PRRC2B: variants seen among roughly 807,000 people sequenced by gnomAD.
The protein encoded by PRRC2B is protein PRRC2B.
Under a neutral mutation model 242.3 loss-of-function variants are expected in PRRC2B, and 68 were observed. The observed-to-expected ratio is 0.28, with a 90% confidence interval of 0.23 to 0.34. PRRC2B has a LOEUF of 0.34. Ranked by LOEUF, PRRC2B falls within the 10% of genes least tolerant of loss-of-function variation. The pLI is 1.00. For missense variants in PRRC2B, 2,835 were observed against 2,954.8 expected, an observed-to-expected ratio of 0.96 and a Z score of 0.94; for synonymous variants, 1,228 against 1,173.6, an observed-to-expected ratio of 1.05 and a Z score of -0.95.
intron 22 of PRRC2B, 51 bp from the exon 23 acceptor site, chr9:131,483,308 G>A: frequency 1.3e-6 from 2 of 1,529,170 alleles, no homozygotes; most frequent in Non-Finnish European, 1.8e-6. Flanking sequence ...TCTGGGGAAT[G>A]TAGGGCCAGG....
chr9:131,405,757 G>T (rs778737868), intron 1 of PRRC2B, among the ~76,000 whole-genome samples: 6 of 152,104 alleles, frequency 3.9e-5, no homozygotes, highest in Admixed American at 2.0e-4. Context: ...GAGAGAGCTC[G>T]CTGGGAGAGT....
chr9:131,429,437 G>A (rs1425822258), intron 1 of PRRC2B, among the ~76,000 whole-genome samples: 1 of 152,218 alleles, frequency 6.6e-6, no homozygotes, highest in East Asian at 1.9e-4. Context: ...CCCCCATGTG[G>A]TCTCTCCCTT....
rs918932283 is a variant in PRRC2B at position 131,436,492 on chromosome 9, C to A, written c.294-128C>A. Reference sequence around the variant, plus strand: ...AGCATAAGAATCTACTGGGGAAAGTCGTATTTTTATTGGCCAGAGGAGGTC... The same window carrying A: ...AGCATAAGAATCTACTGGGGAAAGTAGTATTTTTATTGGCCAGAGGAGGTC... On this transcript the variant is annotated intron_variant, in intron 3 of 31. Coordinates refer to ENST00000683519, the MANE Select transcript of PRRC2B (RefSeq NM_013318.4). The A allele has an allele frequency of 1.1e-5, 7 of 629,238 alleles. No individual in the cohort carries two copies. The East Asian group carries it at 1.9e-4, about 17-fold the overall frequency. The allele number at this position is 629,238 out of a possible 1,614,324, so 39.0% of individuals were successfully genotyped here. A position where few individuals can be genotyped will look rare whatever the true frequency, so the allele number is the denominator to read the frequency against.
In PRRC2B at chr9:131,420,493, C is replaced by CTTTCTTTCTTTTCTTTCT; in HGVS notation, c.-51-9598_-51-9597insCTTTCTTTTCTTTCTTTT. On this transcript the variant is annotated intron_variant, in intron 1 of 31. Coordinates refer to ENST00000683519, the MANE Select transcript of PRRC2B (RefSeq NM_013318.4). ...TCTTTCTTTCTTTCTTTCTTTCTTT[C>CTTTCTTTCTTTTCTTTCT]TTTTTTTTTTTTTTTTTGAGATGGA... Among the ~76,000 whole-genome samples the CTTTCTTTCTTTTCTTTCT allele has an allele frequency of 2.9e-3, 89 of 30,180 alleles. 11 individuals are homozygous for CTTTCTTTCTTTTCTTTCT. The highest frequency in any genetic ancestry group is 9.1e-3 in the African/African-American group (84 of 9,264). The allele number at this position is 30,180 out of a possible 152,430, so 19.8% of individuals were successfully genotyped here.
rs1277243391 is a variant in PRRC2B at position 131,484,961 on chromosome 9, G to A, written c.5579G>A (p.Arg1860His). Reference protein sequence around the residue: ...ADLTLKMESARKAWENSPSLP... With the variant: ...ADLTLKMESAHKAWENSPSLP... ...TTGCTTCTGAAGATGGAGTCTGCGCGCAAGGCTTGGGAAAACTCCCCCAGT... is the reference window on the plus strand; with the variant it reads ...TTGCTTCTGAAGATGGAGTCTGCGCACAAGGCTTGGGAAAACTCCCCCAGT... The change falls in exon 25 of 32, where the codon CGC becomes CAC. Residue 1860 changes from arginine to histidine, a missense_variant. Physicochemically the swap from Arg to His is conservative, Grantham distance 29. This residue lies in a region of PRRC2B where 574 missense variants were observed against 626.0 expected (regional missense o/e 0.92). Transcript: ENST00000683519. The A allele has an allele frequency of 1.2e-6, 2 of 1,612,226 alleles. No homozygotes were observed. The highest frequency in any genetic ancestry group is 1.7e-6 in the Non-Finnish European group (2 of 1,178,698).
At position 131,475,005 on chromosome 9, in the gene PRRC2B, T is replaced by C; in HGVS notation, c.2876T>C (p.Leu959Pro). 6.2e-7 allele frequency: 1 copy of C among 1,603,312 alleles called. No homozygotes were observed. Among genetic ancestry groups the C allele is most frequent in the Non-Finnish European group, 8.5e-7 (1 of 1,175,058 alleles). ...AAGGTGGAAGACAAGGAGAAGGAGC[T>C]TGAGAAGATTAAGCAGGAGCTAGGG... ...ALKVEDKEKE[L>P]EKIKQELGEE... Residue 959 changes from leucine to proline, a missense_variant, in exon 16 of 32, where the codon CTT becomes CCT. Physicochemically the swap from Leu to Pro is moderately conservative, Grantham distance 98. Transcript: ENST00000683519.
chr9:131,477,560 A>G (rs1277101760), intron 16 of PRRC2B, among the ~76,000 whole-genome samples, 184 bp from the exon 17 acceptor site: 1 of 152,176 alleles, frequency 6.6e-6, no homozygotes, highest in Admixed American at 6.5e-5. Flanking sequence ...GGGCAGCCTT[A>G]CACGTATGTT....
intron 16 of PRRC2B, 132 bp downstream of exon 16, chr9:131,476,667 T>C: frequency 1.3e-6 from 1 of 741,998 alleles, no homozygotes; most frequent in Non-Finnish European, 2.1e-6. Flanking sequence ...TGTGCGCGTC[T>C]CCATTGCCTG....
chr9:131,458,431 T>C (rs1943144801), intron 10 of PRRC2B, among the ~76,000 whole-genome samples: 1 of 152,078 alleles, frequency 6.6e-6, no homozygotes, highest in South Asian at 2.1e-4. Context: ...ACACATAAAA[T>C]ACACTAACAC....
rs371628631 is a variant in PRRC2B at position 131,473,558 on chromosome 9, C to T, written c.2158C>T (p.Arg720Cys). 66 of 1,610,086 alleles carry T rather than the reference C, an allele frequency of 4.1e-5. No individual in the cohort carries two copies. The highest frequency in any genetic ancestry group is 1.7e-4 in the Middle Eastern group (1 of 6,058). The change falls in exon 15 of 32, where the codon CGC becomes TGC. Residue 720 changes from arginine (R) to cysteine (C), a missense_variant. Physicochemically the swap from Arg to Cys is radical, Grantham distance 180 (BLOSUM62 -3). This residue lies in a region of PRRC2B where 1,536 missense variants were observed against 1,483.1 expected (regional missense o/e 1.04). Transcript: ENST00000683519. ...GGAGTCCCTCAATGGGACAGGCTGT[C>T]GCTCTGAGGATCAGAACTGTGTGCC... ...PQESLNGTGCRSEDQNCVPPL... is the reference protein window; with the variant it reads ...PQESLNGTGCCSEDQNCVPPL...
At chr9:131,409,125 C>T (rs1564275849) in intron 1 of PRRC2B, among the ~76,000 whole-genome samples, 1 of 151,070 alleles carries the variant, frequency 6.6e-6, no homozygotes. Flanking sequence ...TGAGTTCAAG[C>T]GATTCTCTTG....
chr9:131,385,489 AAC>A (rs1836814639), intron 1 of PRRC2B, among the ~76,000 whole-genome samples: 1 of 150,326 alleles, frequency 6.7e-6, no homozygotes, highest in Non-Finnish European at 1.5e-5. Flanking sequence ...GGAAAGGCTA[AAC>A]TTCCCAGACT....
rs775111050 is a variant in PRRC2B at position 131,477,879 on chromosome 9, G to T, written c.4542G>T (p.Glu1514Asp). Reference protein sequence around the residue: ...PEASSKKAEKEAKLAAPRAGE... With the variant: ...PEASSKKAEKDAKLAAPRAGE... ...CCTCCAGTAAAAAGGCAGAGAAGGAGGCCAAGTTGGCTGCTCCGAGGGCAG... is the reference window on the plus strand; with the variant it reads ...CCTCCAGTAAAAAGGCAGAGAAGGATGCCAAGTTGGCTGCTCCGAGGGCAG... Residue 1514 changes from glutamate (E) to aspartate (D), a missense_variant, in exon 17 of 32, where the codon GAG becomes GAT. This residue lies in a region of PRRC2B where 1,536 missense variants were observed against 1,483.1 expected (regional missense o/e 1.04). Transcript: ENST00000683519. The T allele has an allele frequency of 1.2e-6, 2 of 1,613,930 alleles. No homozygotes were observed. Among genetic ancestry groups the T allele is most frequent in the East Asian group, 2.2e-5 (1 of 44,900 alleles).
chr9:131,430,050 T>C (rs1282425191), intron 1 of PRRC2B, 44 bp from the exon 2 acceptor site: 6 of 677,064 alleles, frequency 8.9e-6, no homozygotes, highest in Non-Finnish European at 1.5e-5. Context: ...TCTTTTTTTT[T>C]TTTCTCTCTC....
intron 14 of PRRC2B, among the ~76,000 whole-genome samples, chr9:131,471,783 G>C (rs910570519): frequency 6.6e-6 from 1 of 152,208 alleles, no homozygotes; most frequent in Admixed American, 6.5e-5. Context: ...CTCTTCCATG[G>C]CAATTCTTTT....
At chr9:131,414,720 C>A (rs927292348) in intron 1 of PRRC2B, among the ~76,000 whole-genome samples, 1 of 151,906 alleles carries the variant, frequency 6.6e-6, no homozygotes, top group Non-Finnish European at 1.5e-5. Flanking sequence ...CAGGTGCCTG[C>A]CACCACGCCC....
In PRRC2B at chr9:131,477,393, A is replaced by G. The variant is rs183919886; in HGVS notation, c.4407-351A>G. ...TGGCTTCACCTCAGTTTTCTGCCCC[A>G]AGGGCCCTCCGGCAGGGCAGTCCTG... is the stretch of plus-strand genomic sequence containing the variant. On this transcript the variant is annotated intron_variant, in intron 16 of 31. Transcript: ENST00000683519. 3.6e-4 allele frequency among the ~76,000 whole-genome samples: 55 copies of G among 152,292 alleles called. 2 individuals carry two copies. The East Asian group carries it at 6.8e-3, about 19-fold the overall frequency.
intron 25 of PRRC2B, 72 bp from the exon 26 acceptor site, chr9:131,486,013 T>C (rs1944013201): frequency 9.6e-7 from 1 of 1,046,788 alleles, no homozygotes; most frequent in African/African-American, 1.6e-5. Flanking sequence ...CTGTAGACTG[T>C]TTCCCTCAGG....
chr9:131,416,030 G>A (rs1837638889), intron 1 of PRRC2B, among the ~76,000 whole-genome samples: 1 of 151,848 alleles, frequency 6.6e-6, no homozygotes, highest in Non-Finnish European at 1.5e-5. Context: ...TTTGGGGGTA[G>A]GATGTGACTA....
Sources: allele counts gnomAD v4.1 joint callset (sites outside exome capture counted in the v4.1 genomes callset), GRCh38; gene constraint gnomAD v4.1.1; regional missense constraint gnomAD v4.1.1; transcripts MANE v1.5; gene names NCBI Gene and HGNC (gene_info 2026-07-23, HGNC 2026-07-21).